Variants in KCTD19 observed in about 807,000 individuals in gnomAD.
KCTD19 encodes BTB/POZ domain-containing protein KCTD19.
KCTD19 carries 67 observed loss-of-function variants against 103.5 expected under a neutral mutation model. The ratio of observed to expected loss-of-function variants is 0.65; its 90% CI spans 0.53 to 0.79. The LOEUF is 0.79. KCTD19 is among the 30% of genes least tolerant of loss of function. KCTD19 has a pLI of 0.00. For missense variants in KCTD19, 980 were observed against 1,136.1 expected (o/e 0.86, Z 1.98); for synonymous variants, 439 against 452.2 (o/e 0.97, Z 0.37).
At position 67,293,811 on chromosome 16, in the gene KCTD19, C is replaced by A; in HGVS notation, c.1951G>T (p.Glu651Ter). The change falls in exon 12 of 16, where the codon GAA (glutamate) becomes TAA (stop). Residue 651 changes from glutamate (E) to a stop codon, truncating the protein, a stop_gained. Transcript: ENST00000304372. LOFTEE classifies it high-confidence loss of function. This position sits in a 1 kb window ranked among gnomAD's most constrained non-coding sequence, Gnocchi z 4.0. ...EWDMVNCKQW[E>*]FQPLTATRSS... ...CGTGTGGCTGTCAGTGGCTGGAATT[C>A]CCACTGTTTGCAATTGACCATGTCC... 1 of 1,613,646 alleles carries A rather than the reference C, an allele frequency of 6.2e-7. No individual in the cohort carries two copies. Among genetic ancestry groups the A allele is most frequent in the South Asian group, 1.1e-5 (1 of 91,078 alleles).
chr16:67,293,952 G>A lies in KCTD19; in HGVS notation c.1810C>T (p.His604Tyr). ...LCTNPGHWGS[H>Y]PESPPKKKCT... ...TTCTTCTTTGGGGGGCTCTCAGGGTGGCTCCCCCAGTGTCCAGGATTGGTA... is the reference window on the plus strand; with the variant it reads ...TTCTTCTTTGGGGGGCTCTCAGGGTAGCTCCCCCAGTGTCCAGGATTGGTA... Residue 604 changes from histidine to tyrosine, a missense_variant, in exon 12 of 16, where the codon CAC becomes TAC. Physicochemically the swap from His to Tyr is moderately conservative, Grantham distance 83. Transcript: ENST00000304372. This position sits in a 1 kb window ranked among gnomAD's most constrained non-coding sequence, Gnocchi z 4.0. The A allele has an allele frequency of 1.2e-6, 2 of 1,614,144 alleles. No individual in the cohort carries two copies. Among genetic ancestry groups the A allele is most frequent in the Admixed American group, 3.3e-5 (2 of 60,032 alleles).
At chr16:67,297,287 CAGCCCT>C (rs2036775532) in intron 7 of KCTD19, among the ~76,000 whole-genome samples, 1 of 152,186 alleles carries the variant, frequency 6.6e-6, no homozygotes. Flanking sequence ...GACTGGGTAA[CAGCCCT>C]GTCTGCTGCT....
intron 2 of KCTD19, 70 bp from the exon 3 acceptor site, chr16:67,304,641 G>T (rs2036872728): frequency 4.4e-6 from 6 of 1,359,680 alleles, no homozygotes; most frequent in East Asian, 4.6e-5. Flanking sequence ...CTAGTGTGAA[G>T]ATCAGGAAAA....
At chr16:67,298,926 GCCTGC>G (rs1169533834) in intron 6 of KCTD19, among the ~76,000 whole-genome samples, 1 of 152,232 alleles carries the variant, frequency 6.6e-6, no homozygotes, top group Non-Finnish European at 1.5e-5. Context: ...GCCTGGCCTG[GCCTGC>G]CCTGCCCTGC....
At chr16:67,304,925 C>T (rs981106360) in intron 2 of KCTD19, among the ~76,000 whole-genome samples, 1 of 152,120 alleles carries the variant, frequency 6.6e-6, no homozygotes, top group Admixed American at 6.5e-5. Flanking sequence ...GCCTCGGCCT[C>T]CCAAAGGGTT....
At chr16:67,297,853 C>T (rs1248935935) in intron 6 of KCTD19, among the ~76,000 whole-genome samples, 190 bp from the exon 7 acceptor site, 2 of 152,054 alleles carry the variant, frequency 1.3e-5, no homozygotes, top group African/African-American at 2.4e-5. Flanking sequence ...TGCAGTGACG[C>T]AATCTTGGCT....
At position 67,299,504 on chromosome 16, in the gene KCTD19, G is replaced by A; in HGVS notation, c.845C>T (p.Ser282Phe). 1.9e-6 allele frequency: 3 copies of A among 1,614,164 alleles called. No individual in the cohort carries two copies. Among genetic ancestry groups the A allele is most frequent in the South Asian group, 2.2e-5 (2 of 91,088 alleles). Residue 282 changes from serine to phenylalanine, a missense_variant, in exon 6 of 16, where the codon TCC (serine) becomes TTC (phenylalanine). Ser to Phe is a radical substitution (Grantham distance 155). Coordinates refer to ENST00000304372, the MANE Select transcript of KCTD19 (RefSeq NM_001100915.3). The stretch of plus-strand genomic sequence containing the variant: ...GGCCATTGTGTAGAGCGGTTTCACG[G>A]ACTCCAGGCTGGCTGTGCGGGCCCC... ...GKGARTASLESVKPLYTMALG... is the reference protein window; with the variant it reads ...GKGARTASLEFVKPLYTMALG...
chr16:67,313,024 A>G (rs2036964755), intron 2 of KCTD19, among the ~76,000 whole-genome samples: 1 of 152,192 alleles, frequency 6.6e-6, no homozygotes, highest in Admixed American at 6.5e-5. Context: ...GCTCTGTGTT[A>G]CAGCTTGAGA....
chr16:67,301,977 G>C, intron 4 of KCTD19, 55 bp from the exon 5 acceptor site: 1 of 1,584,544 alleles, frequency 6.3e-7, no homozygotes, highest in Admixed American at 1.7e-5. Flanking sequence ...TGGTTTAGCT[G>C]TAGGTCCTGG....
chr16:67,325,199 C>CT (rs918808425), intron 1 of KCTD19, among the ~76,000 whole-genome samples: 2,773 of 131,532 alleles, frequency 0.021, 182 homozygotes, highest in African/African-American at 0.084. Context: ...TTCTTTTTTT[C>CT]TTTTTTTCTT....
intron 11 of KCTD19, 33 bp downstream of exon 11, chr16:67,294,547 G>C: frequency 6.8e-7 from 1 of 1,478,256 alleles, no homozygotes; most frequent in Non-Finnish European, 9.5e-7. Context: ...TGGTTTTTGA[G>C]GATAACACCA....
chr16:67,308,170 C>CTTT (rs554751590), intron 2 of KCTD19, among the ~76,000 whole-genome samples: 1 of 134,586 alleles, frequency 7.4e-6, no homozygotes, highest in African/African-American at 2.8e-5. Context: ...TCTTTCTTTT[C>CTTT]TTTTTTTTTT....
At chr16:67,313,300 G>A (rs1386270344) in intron 2 of KCTD19, among the ~76,000 whole-genome samples, 2 of 152,004 alleles carry the variant, frequency 1.3e-5, no homozygotes, top group African/African-American at 4.8e-5. Flanking sequence ...AGTAGAGATG[G>A]GGTTTCACCA....
At position 67,293,956 on chromosome 16, in the gene KCTD19, C is replaced by T; in HGVS notation, c.1806G>A (p.Gly602=). The T allele has an allele frequency of 6.2e-7, 1 of 1,614,054 alleles. No individual in the cohort carries two copies. Among genetic ancestry groups the T allele is most frequent in the Non-Finnish European group, 8.5e-7 (1 of 1,180,014 alleles). ...TCTTTGGGGGGCTCTCAGGGTGGCT[C>T]CCCCAGTGTCCAGGATTGGTACACA... ...RGLCTNPGHW[G]SHPESPPKKK... is the part of the protein sequence containing the mutation. Residue 602 remains glycine, a synonymous_variant, in exon 12 of 16, where the codon GGG becomes GGA. Transcript: ENST00000304372. The surrounding 1 kb of genome is among the most constrained non-coding windows in gnomAD (Gnocchi z 4.0).
chr16:67,295,998 C>T (rs1226751392), intron 8 of KCTD19, 161 bp downstream of exon 8: 17 of 604,480 alleles, frequency 2.8e-5, no homozygotes, highest in Non-Finnish European at 5.2e-5. Context: ...CCACCTCAGC[C>T]TCCCAAAGTG....
intron 2 of KCTD19, among the ~76,000 whole-genome samples, chr16:67,317,130 T>C (rs2037021050): frequency 6.6e-6 from 1 of 152,124 alleles, no homozygotes; most frequent in Admixed American, 6.6e-5. Context: ...GCAGTTTAGA[T>C]ATATGCTGCC....
At chr16:67,302,304 G>A (rs922969350) in intron 4 of KCTD19, 1 of 214,466 alleles carries the variant, frequency 4.7e-6, no homozygotes, top group South Asian at 8.2e-5. Context: ...CTGGGCTGGC[G>A]GGTGGCACTT....
rs1370393609 is a variant in KCTD19, at chr16:67,315,912, CCTAA to C, written c.300+4673_300+4676del. On this transcript the variant is annotated intron_variant, in intron 2 of 15. Coordinates refer to ENST00000304372, the MANE Select transcript of KCTD19 (RefSeq NM_001100915.3). ...TATAGGTGTGAGCCACCGCGTCTGGCCTAACTATTACTAATGTCTGTAAGTTCTT... is the reference window on the plus strand; with the variant it reads ...TATAGGTGTGAGCCACCGCGTCTGGCCTATTACTAATGTCTGTAAGTTCTT... Among the ~76,000 whole-genome samples, 5 of 152,146 alleles carry C rather than the reference CCTAA, an allele frequency of 3.3e-5. No individual in the cohort carries two copies. In the South Asian group the frequency reaches 6.2e-4, roughly 19 times the overall value.
chr16:67,291,312 C>T lies in KCTD19; in HGVS notation c.2562G>A (p.Leu854=). ...TAKVVSLANR[L]WTLHISPKQF... The stretch of plus-strand genomic sequence containing the variant: ...GCCTGAGGCCTGTCACACATACCCA[C>T]AGCCGATTGGCCAGGGAGACCACCT... The change falls in exon 14 of 16, where the codon CTG becomes CTA. Residue 854 remains leucine, a synonymous_variant. Transcript: ENST00000304372. 1.9e-6 allele frequency: 3 copies of T among 1,612,774 alleles called. No individual in the cohort carries two copies. Among genetic ancestry groups the T allele is most frequent in the Non-Finnish European group, 2.5e-6 (3 of 1,179,592 alleles).
Sources: allele counts gnomAD v4.1 joint callset (sites outside exome capture counted in the v4.1 genomes callset), GRCh38; gene constraint gnomAD v4.1.1; non-coding constraint Gnocchi (gnomAD v3.1); transcripts MANE v1.5; gene names NCBI Gene and HGNC (gene_info 2026-07-23, HGNC 2026-07-21).